Variants in ASH1L observed in about 807,000 individuals in gnomAD.
ASH1L encodes the protein histone-lysine N-methyltransferase ASH1L.
Under a neutral mutation model 269.0 loss-of-function variants are expected in ASH1L, and 23 were observed. The observed-to-expected ratio is 0.09, with a 90% CI of 0.06 to 0.12. ASH1L has a LOEUF of 0.12. Among genes scored for constraint, ASH1L ranks in the 10% least tolerant of loss-of-function variants. ASH1L has a pLI of 1.00. For synonymous variants in ASH1L, 1,187 were observed against 1,253.5 expected, an observed-to-expected ratio of 0.95 and a Z score of 1.12; for missense variants, 2,912 against 3,567.8, an observed-to-expected ratio of 0.82 and a Z score of 4.68.
At chr1:155,552,923 C>T (rs1671313721) in intron 1 of ASH1L, among the ~76,000 whole-genome samples, 1 of 152,088 alleles carries the variant, frequency 6.6e-6, no homozygotes, top group East Asian at 1.9e-4. Flanking sequence ...TGCTGCATGG[C>T]ACACATTATG....
intron 4 of ASH1L, among the ~76,000 whole-genome samples, chr1:155,452,908 T>C (rs956309310): frequency 6.6e-6 from 1 of 152,142 alleles, no homozygotes; most frequent in African/African-American, 2.4e-5. Context: ...GACTCTACAG[T>C]TGGTAGTCAG....
intron 7 of ASH1L, among the ~76,000 whole-genome samples, chr1:155,382,413 G>T (rs1477331157): frequency 6.6e-6 from 1 of 152,140 alleles, no homozygotes; most frequent in East Asian, 1.9e-4. Flanking sequence ...CAGGAGAATG[G>T]TGTGAACCCA....
intron 4 of ASH1L, among the ~76,000 whole-genome samples, chr1:155,439,852 C>T (rs1314585355): frequency 2.7e-5 from 4 of 150,934 alleles, no homozygotes; most frequent in Admixed American, 6.7e-5. Context: ...CCTTTATTAG[C>T]CTCAGGCATT....
intron 5 of ASH1L, chr1:155,433,726 G>A (rs776255292): frequency 5.0e-6 from 8 of 1,601,362 alleles, no homozygotes; most frequent in African/African-American, 1.3e-5. Flanking sequence ...TCAGCCAAAC[G>A]ACCATCTGCC....
intron 15 of ASH1L, among the ~76,000 whole-genome samples, chr1:155,356,227 G>T (rs1355553052): frequency 3.9e-5 from 6 of 152,078 alleles, no homozygotes. Context: ...GTGAGCCACT[G>T]CGCCCTGCCA....
chr1:155,371,057 A>C, intron 10 of ASH1L, 74 bp from the exon 11 acceptor site: 1 of 1,286,954 alleles, frequency 7.8e-7, no homozygotes, highest in Non-Finnish European at 1.1e-6. Flanking sequence ...TAAATTTTAC[A>C]AACATTTAAA....
intron 5 of ASH1L, among the ~76,000 whole-genome samples, chr1:155,436,491 CTTTTTTTTTTTT>C (rs60270333): frequency 3.7e-5 from 3 of 80,552 alleles, no homozygotes; most frequent in African/African-American, 1.4e-4. Context: ...CATGCGTGGA[CTTTTTTTTTTTT>C]TTTTTTTTTT....
Position 155,479,490 on chromosome 1 carries a change from A to C in ASH1L, c.3380T>G (p.Phe1127Cys), listed in dbSNP as rs1396818506. 5 of 1,614,204 alleles carry C rather than the reference A, an allele frequency of 3.1e-6. No homozygotes were observed. The highest frequency in any genetic ancestry group is 3.4e-6 in the Non-Finnish European group (4 of 1,180,012). Residue 1127 changes from phenylalanine (F) to cysteine (C), a missense_variant, in exon 3 of 28, where the codon TTT becomes TGT. Phe to Cys is a radical substitution (Grantham distance 205, BLOSUM62 -2). Around this residue, in one of 13 missense-constraint regions of ASH1L, gnomAD observed 157 missense variants for 154.6 expected, o/e 1.02. Transcript: ENST00000392403. Reference protein sequence around the residue: ...GQSPVSSDAGFVEPSSVPYLH... With the variant: ...GQSPVSSDAGCVEPSSVPYLH... Reference sequence around the variant, plus strand: ...ATATGGCACTGAACTGGGTTCAACAAAACCTGCATCACTACTTACAGGGCT... The same window carrying C: ...ATATGGCACTGAACTGGGTTCAACACAACCTGCATCACTACTTACAGGGCT...
At chr1:155,502,777 A>G (rs1393801293) in intron 2 of ASH1L, among the ~76,000 whole-genome samples, 1 of 151,988 alleles carries the variant, frequency 6.6e-6, no homozygotes, top group Non-Finnish European at 1.5e-5. Flanking sequence ...GCACAGTGAA[A>G]CTTTTTTATC....
chr1:155,481,011 T>G lies in ASH1L; in HGVS notation c.1859A>C (p.His620Pro), dbSNP rs752916707. 6.2e-7 allele frequency: 1 copy of G among 1,614,056 alleles called. No individual in the cohort carries two copies. Among genetic ancestry groups the G allele is most frequent in the South Asian group, 1.1e-5 (1 of 91,074 alleles). The change falls in exon 3 of 28, where the codon CAT (histidine) becomes CCT (proline). Residue 620 changes from histidine (H) to proline (P), a missense_variant. Physicochemically the swap from His to Pro is moderately conservative, Grantham distance 77. Coordinates refer to ENST00000392403, the MANE Select transcript of ASH1L (RefSeq NM_018489.3). ...CCCTTTACATTCAATACTTATACTA[T>G]GACCAACTGACCTATGACCAACGTT... Reference protein sequence around the residue: ...HLNVGHRSVGHSISIECKGID... With the variant: ...HLNVGHRSVGPSISIECKGID...
At chr1:155,535,201 A>G (rs1370077339) in intron 1 of ASH1L, among the ~76,000 whole-genome samples, 1 of 152,036 alleles carries the variant, frequency 6.6e-6, no homozygotes, top group Non-Finnish European at 1.5e-5. Context: ...AAAAAAAAAA[A>G]AAAAGTAAAA....
chr1:155,444,344 T>A (rs977166057), intron 4 of ASH1L, among the ~76,000 whole-genome samples: 1 of 152,176 alleles, frequency 6.6e-6, no homozygotes, highest in Admixed American at 6.5e-5. Flanking sequence ...TGTTCTATTT[T>A]ATAGTCCCAT....
chr1:155,358,949 C>T (rs1654687551), intron 13 of ASH1L: 1 of 151,944 alleles, frequency 6.6e-6, no homozygotes, highest in Non-Finnish European at 1.5e-5. Context: ...GACCCCATCT[C>T]TACAAAAAAT....
At chr1:155,348,909 T>TAC (rs1460484165) in intron 19 of ASH1L, among the ~76,000 whole-genome samples, 1 of 138,496 alleles carries the variant, frequency 7.2e-6, no homozygotes, top group African/African-American at 2.8e-5. Context: ...AATATATATA[T>TAC]ATACACACAC....
At chr1:155,355,208 G>T (rs555939070) in intron 15 of ASH1L, among the ~76,000 whole-genome samples, 2 of 152,250 alleles carry the variant, frequency 1.3e-5, no homozygotes, top group South Asian at 2.1e-4. Flanking sequence ...CTGCCACCAC[G>T]CCCAGCTAAT....
intron 3 of ASH1L, among the ~76,000 whole-genome samples, chr1:155,477,620 G>A (rs2148717465): frequency 6.6e-6 from 1 of 152,068 alleles, no homozygotes; most frequent in African/African-American, 2.4e-5. Context: ...ACATAAAAAA[G>A]ATGAATGATT....
At chr1:155,379,788 A>G (rs1271415858) in intron 8 of ASH1L, among the ~76,000 whole-genome samples, 39 of 152,226 alleles carry the variant, frequency 2.6e-4, no homozygotes, top group Admixed American at 2.6e-3. Context: ...TGCTACCAAA[A>G]TAAAAGTCCA....
chr1:155,339,442 G>T, intron 25 of ASH1L, 74 bp from the exon 26 acceptor site: 1 of 1,425,032 alleles, frequency 7.0e-7, no homozygotes, highest in South Asian at 1.2e-5. Context: ...GGGCCAGTCA[G>T]GATAAGGAAC....
intron 7 of ASH1L, among the ~76,000 whole-genome samples, 160 bp downstream of exon 7, chr1:155,395,299 G>A (rs1226035183): frequency 3.3e-5 from 5 of 152,158 alleles, no homozygotes; most frequent in Non-Finnish European, 7.3e-5. Context: ...CTATCAAACA[G>A]TGTATAAAAT....
Sources: gnomAD v4.1 joint callset for allele counts (sites outside exome capture counted in the v4.1 genomes callset) on GRCh38, gnomAD v4.1.1 for gene constraint, gnomAD v4.1.1 regional missense constraint, MANE v1.5 for transcripts, NCBI Gene and HGNC (gene_info 2026-07-23, HGNC 2026-07-21) for gene names.